The following PEBP4 variants were observed in gnomAD, a reference collection of about 807,000 sequenced individuals.
PEBP4 encodes the protein phosphatidylethanolamine binding protein 4.
In PEBP4, 22 loss-of-function variants were observed where a neutral mutation model predicts 23.9. The observed-to-expected ratio is 0.92, with a 90% CI of 0.66 to 1.31. The LOEUF (loss-of-function observed/expected upper bound fraction) is 1.31. Among genes scored for constraint, PEBP4 ranks in the 40% most tolerant of loss-of-function variants. The probability of loss-of-function intolerance (pLI) is 0.00; values close to 1 mark genes in which losing one functional copy is unlikely to be tolerated. For missense variants in PEBP4, 324 were observed against 281.7 expected (o/e 1.15, Z -1.07); for synonymous variants, 112 against 99.3 (o/e 1.13, Z -0.76).
At chr8:22,734,711 T>C (rs1804818993) in intron 4 of PEBP4, among the ~76,000 whole-genome samples, 2 of 152,120 alleles carry the variant, frequency 1.3e-5, no homozygotes, top group African/African-American at 4.8e-5. Context: ...GAAAGGAGGC[T>C]AGATTTTGGG....
chr8:22,920,245 T>G lies in PEBP4; in HGVS notation c.197A>C (p.Asn66Thr). 1 of 1,613,820 alleles carries G rather than the reference T, an allele frequency of 6.2e-7. No homozygotes were observed. The highest frequency in any genetic ancestry group is 8.5e-7 in the Non-Finnish European group (1 of 1,179,836). The change falls in exon 3 of 7, where the codon AAC (asparagine) becomes ACC (threonine). Residue 66 changes from asparagine to threonine, a missense_variant. By Grantham distance (65) the Asn-to-Thr change is moderately conservative. Coordinates refer to ENST00000256404, the MANE Select transcript of PEBP4 (RefSeq NM_144962.3). ...CCAGGAGGTGATCTTCTGTCTGTAG[T>G]TGTTACAATCAGGAACAACCTTGCA... ...IGCKVVPDCN[N>T]YRQKITSWME...
At chr8:22,810,073 T>A (rs554410877) in intron 4 of PEBP4, among the ~76,000 whole-genome samples, 6 of 152,232 alleles carry the variant, frequency 3.9e-5, no homozygotes, top group African/African-American at 7.2e-5. Flanking sequence ...CCTGGAAAAC[T>A]TCCCCCACTG....
chr8:22,735,587 T>G (rs1324531763), intron 4 of PEBP4, among the ~76,000 whole-genome samples: 2 of 152,168 alleles, frequency 1.3e-5, no homozygotes, highest in African/African-American at 4.8e-5. Flanking sequence ...GACTCAAAGC[T>G]CTCAGCAACC....
intron 4 of PEBP4, among the ~76,000 whole-genome samples, chr8:22,741,630 A>G (rs1804997111): frequency 6.6e-6 from 1 of 152,126 alleles, no homozygotes; most frequent in African/African-American, 2.4e-5. Flanking sequence ...AACCTGGGTC[A>G]CTGTGCCACC....
intron 4 of PEBP4, among the ~76,000 whole-genome samples, chr8:22,736,433 C>T (rs184549430): frequency 3.0e-4 from 46 of 151,908 alleles, no homozygotes; most frequent in Non-Finnish European, 2.6e-4. Flanking sequence ...AGTGAGACCC[C>T]ATTTCTACAA....
intron 4 of PEBP4, among the ~76,000 whole-genome samples, chr8:22,768,250 C>G (rs1017698886): frequency 5.9e-5 from 9 of 152,138 alleles, no homozygotes; most frequent in Non-Finnish European, 1.0e-4. Context: ...GTCCCTCTGC[C>G]CCCTGGTAGA....
intron 6 of PEBP4, among the ~76,000 whole-genome samples, chr8:22,718,014 A>G (rs1022242602): frequency 6.6e-6 from 1 of 151,972 alleles, no homozygotes; most frequent in African/African-American, 2.4e-5. Flanking sequence ...AGAGACTTCC[A>G]CTCAGGACCT....
intron 3 of PEBP4, among the ~76,000 whole-genome samples, chr8:22,874,675 G>A (rs986264972): frequency 6.6e-6 from 1 of 152,110 alleles, no homozygotes; most frequent in Non-Finnish European, 1.5e-5. Flanking sequence ...GTTCAATTGT[G>A]GCAAAGTGCG....
chr8:22,732,179 A>G (rs1360730340), intron 4 of PEBP4, among the ~76,000 whole-genome samples: 1 of 151,804 alleles, frequency 6.6e-6, no homozygotes, highest in Admixed American at 6.6e-5. Flanking sequence ...GGGCCCGGGG[A>G]AGGCAATTCT....
chr8:22,719,170 C>G (rs1261569911), intron 6 of PEBP4, among the ~76,000 whole-genome samples: 1 of 152,226 alleles, frequency 6.6e-6, no homozygotes, highest in African/African-American at 2.4e-5. Flanking sequence ...TGGCCCAGGA[C>G]TCCCATTTTG....
Position 22,924,804 on chromosome 8 carries a change from G to A in PEBP4, c.131+2780C>T, listed in dbSNP as rs535210905. The A allele has an allele frequency of 2.6e-5, 26 of 985,364 alleles. No homozygotes were observed. The South Asian group carries it at 4.7e-4, about 18-fold the overall frequency. The allele number at this position is 985,364 out of a possible 1,614,324, so 61.0% of individuals were successfully genotyped here. A position where few individuals can be genotyped will look rare whatever the true frequency, so the allele number is the denominator to read the frequency against. ...TGCGACTGAGCCCAGGGTTGGGACC[G>A]TCGGTGGTTTTGCTGGTCTTGTCTG... On this transcript the variant is annotated intron_variant, in intron 2 of 6. Coordinates refer to ENST00000256404, the MANE Select transcript of PEBP4 (RefSeq NM_144962.3).
At chr8:22,922,691 A>C (rs1809235119) in intron 2 of PEBP4, among the ~76,000 whole-genome samples, 1 of 151,856 alleles carries the variant, frequency 6.6e-6, no homozygotes, top group East Asian at 1.9e-4. Flanking sequence ...GCATCACCGC[A>C]CTCCAGCCTG....
At chr8:22,866,094 CT>C (rs1563242571) in intron 3 of PEBP4, among the ~76,000 whole-genome samples, 2 of 152,250 alleles carry the variant, frequency 1.3e-5, no homozygotes, top group Non-Finnish European at 2.9e-5. Flanking sequence ...AATAACTTCA[CT>C]TGCCAAATTT....
In PEBP4 at chr8:22,812,010, C is replaced by T. The variant is rs181841480; in HGVS notation, c.357+5627G>A. Among the ~76,000 whole-genome samples, 970 of 152,298 alleles carry T rather than the reference C, an allele frequency of 6.4e-3. 6 individuals are homozygous for T. Among genetic ancestry groups the T allele is most frequent in the Non-Finnish European group, 9.6e-3 (654 of 68,030 alleles). ...TGTCAGAAGACTTAATCTCATTGAA[C>T]GCTGGGAAATAGATATTATCATGCC... On this transcript the variant is annotated intron_variant, in intron 4 of 6. Transcript: ENST00000256404.
At chr8:22,817,377 C>T (rs1166823915) in intron 4 of PEBP4, among the ~76,000 whole-genome samples, 2 of 152,174 alleles carry the variant, frequency 1.3e-5, no homozygotes, top group African/African-American at 4.8e-5. Flanking sequence ...TTTATTTATA[C>T]CATAAAAATC....
intron 6 of PEBP4, among the ~76,000 whole-genome samples, chr8:22,718,338 C>T (rs546942570): frequency 5.3e-4 from 81 of 152,328 alleles, no homozygotes; most frequent in Middle Eastern, 3.4e-3. Context: ...CTTCAAGCTG[C>T]CAGTTTAGCT....
chr8:22,872,302 A>G (rs1011404530), intron 3 of PEBP4, among the ~76,000 whole-genome samples: 26 of 152,372 alleles, frequency 1.7e-4, no homozygotes, highest in African/African-American at 5.8e-4. Flanking sequence ...TGTACTGCAC[A>G]GTGGCCCTCA....
chr8:22,795,163 A>AT (rs33911395), intron 4 of PEBP4, among the ~76,000 whole-genome samples: 3,545 of 47,378 alleles, frequency 0.075, 820 homozygotes, highest in Non-Finnish European at 0.095. Context: ...ATATATATAT[A>AT]TTTTTTTTTT....
chr8:22,869,995 G>A (rs1807976590), intron 3 of PEBP4, among the ~76,000 whole-genome samples: 1 of 152,122 alleles, frequency 6.6e-6, no homozygotes, highest in Admixed American at 6.6e-5. Context: ...AAGACAGTTT[G>A]GCAGTTTCTC....
Sources: gnomAD v4.1 joint callset for allele counts (sites outside exome capture counted in the v4.1 genomes callset) on GRCh38, gnomAD v4.1.1 for gene constraint, MANE v1.5 for transcripts, NCBI Gene and HGNC (gene_info 2026-07-23, HGNC 2026-07-21) for gene names.